The following GNA14 variants were observed in gnomAD, a reference collection of about 807,000 sequenced individuals.
GNA14 encodes the protein G protein subunit alpha 14, also known as guanine nucleotide-binding protein subunit alpha-14.
GNA14 carries 50 observed loss-of-function variants against 42.0 expected under a neutral mutation model. That is an observed-to-expected ratio of 1.19 (90% confidence interval 0.95 to 1.51). The LOEUF (loss-of-function observed/expected upper bound fraction) is 1.51. Among genes scored for constraint, GNA14 ranks in the 40% most tolerant of loss-of-function variants. GNA14 has a pLI of 0.00. For synonymous variants in GNA14, 173 were observed against 163.1 expected (o/e 1.06, Z -0.46); for missense variants, 473 against 446.2 (o/e 1.06, Z -0.54).
At chr9:77,482,689 C>A (rs542109338) in intron 2 of GNA14, among the ~76,000 whole-genome samples, 3 of 152,334 alleles carry the variant, frequency 2.0e-5, no homozygotes, top group Admixed American at 2.0e-4. Context: ...CTTTCAGGTA[C>A]ACCAATCAGA....
At chr9:77,583,173 A>G (rs1045885120) in intron 1 of GNA14, among the ~76,000 whole-genome samples, 1 of 152,220 alleles carries the variant, frequency 6.6e-6, no homozygotes, top group African/African-American at 2.4e-5. Flanking sequence ...AACAAATGAG[A>G]TAACGCAGTC....
At chr9:77,449,700 T>C (rs1185179757) in intron 2 of GNA14, among the ~76,000 whole-genome samples, 1 of 152,182 alleles carries the variant, frequency 6.6e-6, no homozygotes, top group Non-Finnish European at 1.5e-5. Context: ...CCCAATTCCC[T>C]GTCAAACAGG....
chr9:77,469,244 G>A (rs1836285531), intron 2 of GNA14, among the ~76,000 whole-genome samples: 1 of 151,656 alleles, frequency 6.6e-6, no homozygotes, highest in Non-Finnish European at 1.5e-5. Context: ...CCTATCTTAG[G>A]GACAAGGAAA....
At chr9:77,632,428 AC>A (rs1824112692) in intron 1 of GNA14, among the ~76,000 whole-genome samples, 1 of 152,164 alleles carries the variant, frequency 6.6e-6, no homozygotes, top group African/African-American at 2.4e-5. Flanking sequence ...ACCCATGGCC[AC>A]CCATGGACCA....
intron 2 of GNA14, among the ~76,000 whole-genome samples, chr9:77,493,027 ATATATAT>A (rs1440882492): frequency 1.2e-4 from 6 of 51,604 alleles, no homozygotes; most frequent in African/African-American, 3.9e-4. Context: ...AAAAAAAAAA[ATATATAT>A]ATATATATAT....
chr9:77,546,765 T>A (rs2131779309), intron 1 of GNA14, among the ~76,000 whole-genome samples: 1 of 152,292 alleles, frequency 6.6e-6, no homozygotes, highest in Non-Finnish European at 1.5e-5. Flanking sequence ...TCATGACGAG[T>A]AATCACCTCC....
chr9:77,491,007 A>G (rs1836764749), intron 2 of GNA14, among the ~76,000 whole-genome samples: 1 of 152,204 alleles, frequency 6.6e-6, no homozygotes, highest in African/African-American at 2.4e-5. Context: ...AAGGAGCCAC[A>G]TTTTTTCTGG....
At chr9:77,514,017 A>T (rs1274294818) in intron 2 of GNA14, among the ~76,000 whole-genome samples, 2 of 151,688 alleles carry the variant, frequency 1.3e-5, no homozygotes, top group Non-Finnish European at 2.9e-5. Context: ...TTGAGAAGTC[A>T]TTGTCACAGA....
chr9:77,582,076 T>G (rs1823234127), intron 1 of GNA14, among the ~76,000 whole-genome samples: 1 of 152,230 alleles, frequency 6.6e-6, no homozygotes, highest in South Asian at 2.1e-4. Flanking sequence ...TTTCTCCATT[T>G]TCATTTTCTT....
Position 77,647,715 on chromosome 9 carries a change from G to A in GNA14, c.79C>T (p.Arg27Trp), listed in dbSNP as rs1308461948. The change falls in exon 1 of 7, where the codon CGG becomes TGG. Residue 27 changes from arginine (R) to tryptophan (W), a missense_variant. Physicochemically the swap from Arg to Trp is moderately radical, Grantham distance 101 (BLOSUM62 -3). Coordinates refer to ENST00000341700, the MANE Select transcript of GNA14 (RefSeq NM_004297.4). ...TCACGGCGCGCGTCCTTCTTGTCCCGACGAAGCTGTCGCTCGATCTCCGCG... is the reference window on the plus strand; with the variant it reads ...TCACGGCGCGCGTCCTTCTTGTCCCAACGAAGCTGTCGCTCGATCTCCGCG... Reference protein sequence around the residue: ...ISAEIERQLRRDKKDARRELK... With the variant: ...ISAEIERQLRWDKKDARRELK... 2 of 1,610,064 alleles carry A rather than the reference G, an allele frequency of 1.2e-6. No individual in the cohort carries two copies. Among genetic ancestry groups the A allele is most frequent in the South Asian group, 2.2e-5 (2 of 90,214 alleles).
chr9:77,533,031 A>G (rs1837551287), intron 1 of GNA14, among the ~76,000 whole-genome samples: 1 of 152,228 alleles, frequency 6.6e-6, no homozygotes, highest in Non-Finnish European at 1.5e-5. Flanking sequence ...GTCACAGAGT[A>G]AAAGAGAGAA....
chr9:77,618,595 TATATATATATATATATATATATA>T (rs1454950257), intron 1 of GNA14, among the ~76,000 whole-genome samples: 4 of 12,986 alleles, frequency 3.1e-4, no homozygotes, highest in Admixed American at 6.0e-4. Flanking sequence ...TATATATATA[TATATATATATATATATATATATA>T]TATTTTTTTT....
At chr9:77,582,055 A>C (rs1191236048) in intron 1 of GNA14, among the ~76,000 whole-genome samples, 1 of 152,202 alleles carries the variant, frequency 6.6e-6, no homozygotes, top group Admixed American at 6.5e-5. Flanking sequence ...CCATTGTTTC[A>C]CAAATTATTT....
chr9:77,522,630 G>A (rs1837376573), intron 2 of GNA14, among the ~76,000 whole-genome samples: 1 of 152,152 alleles, frequency 6.6e-6, no homozygotes, highest in Admixed American at 6.5e-5. Flanking sequence ...TTTATCAGTG[G>A]TTCTCGACCC....
At chr9:77,592,277 A>T (rs951821259) in intron 1 of GNA14, among the ~76,000 whole-genome samples, 1 of 152,118 alleles carries the variant, frequency 6.6e-6, no homozygotes, top group Non-Finnish European at 1.5e-5. Flanking sequence ...TTGTGAACTA[A>T]TAACTGTGTA....
At chr9:77,588,942 C>T (rs1412388939) in intron 1 of GNA14, among the ~76,000 whole-genome samples, 1 of 152,320 alleles carries the variant, frequency 6.6e-6, no homozygotes, top group East Asian at 1.9e-4. Flanking sequence ...TGGGGGTTCA[C>T]ATGCTAGCCA....
Position 77,480,780 on chromosome 9 carries a change from G to A in GNA14, c.310-46258C>T, listed in dbSNP as rs558664848. On this transcript the variant is annotated intron_variant, in intron 2 of 6. Transcript: ENST00000341700. Reference sequence around the variant, plus strand: ...TTCCTCCTGGTTTAGTCTTGGGAGGGTGTATGTGTTGAGGAATTTATCCAT... The same window carrying A: ...TTCCTCCTGGTTTAGTCTTGGGAGGATGTATGTGTTGAGGAATTTATCCAT... 1.2e-4 allele frequency among the ~76,000 whole-genome samples: 19 copies of A among 152,318 alleles called. No homozygotes were observed. The South Asian group carries it at 3.5e-3, about 28-fold the overall frequency.
At chr9:77,593,943 T>C (rs1823426550) in intron 1 of GNA14, among the ~76,000 whole-genome samples, 2 of 152,202 alleles carry the variant, frequency 1.3e-5, no homozygotes, top group Non-Finnish European at 2.9e-5. Context: ...GGAGCTGCCT[T>C]ATATTGTACA....
intron 5 of GNA14, among the ~76,000 whole-genome samples, chr9:77,427,612 A>T (rs1468809856): frequency 4.6e-5 from 7 of 152,270 alleles, no homozygotes; most frequent in Admixed American, 3.3e-4. Flanking sequence ...GATGACGAGG[A>T]GGACATGAGT....
Sources: allele counts gnomAD v4.1 joint callset (sites outside exome capture counted in the v4.1 genomes callset), GRCh38; gene constraint gnomAD v4.1.1; transcripts MANE v1.5; gene names NCBI Gene and HGNC (gene_info 2026-07-23, HGNC 2026-07-21).